Variants in PIAS2 observed in about 807,000 individuals in gnomAD.
PIAS2 encodes the protein E3 SUMO-protein ligase PIAS2.
PIAS2 carries 19 observed loss-of-function variants against 69.7 expected under a neutral mutation model. The ratio of observed to expected loss-of-function variants is 0.27; its 90% CI spans 0.19 to 0.40. PIAS2 has a LOEUF of 0.40. Ranked by LOEUF, PIAS2 falls within the 10% of genes least tolerant of loss-of-function variation. The pLI is 1.00. For synonymous variants in PIAS2, 261 were observed against 263.2 expected, an observed-to-expected ratio of 0.99 and a Z score of 0.08; for missense variants, 624 against 757.0, an observed-to-expected ratio of 0.82 and a Z score of 2.06.
chr18:46,839,198 A>G (rs1438449783), intron 8 of PIAS2, among the ~76,000 whole-genome samples: 1 of 152,186 alleles, frequency 6.6e-6, no homozygotes, highest in Non-Finnish European at 1.5e-5. Flanking sequence ...TTATTATTAA[A>G]TTACACTATA....
At chr18:46,903,618 T>TA (rs1044781700) in intron 1 of PIAS2, 1 of 152,206 alleles carries the variant, frequency 6.6e-6, no homozygotes, top group African/African-American at 2.4e-5. Flanking sequence ...GGTAGGGATG[T>TA]AAAATGGTAC....
At chr18:46,912,972 A>G (rs902366085) in intron 1 of PIAS2, among the ~76,000 whole-genome samples, 1 of 152,234 alleles carries the variant, frequency 6.6e-6, no homozygotes, top group African/African-American at 2.4e-5. Flanking sequence ...GCCTTGAGCC[A>G]CTGCGCCCAG....
chr18:46,885,440 G>C (rs562041863), intron 2 of PIAS2, among the ~76,000 whole-genome samples: 15 of 151,702 alleles, frequency 9.9e-5, no homozygotes, highest in African/African-American at 3.4e-4. Context: ...AGAATTGCTT[G>C]AACTTGGGAG....
At chr18:46,873,199 G>A (rs2050641468) in intron 2 of PIAS2, among the ~76,000 whole-genome samples, 1 of 152,194 alleles carries the variant, frequency 6.6e-6, no homozygotes, top group African/African-American at 2.4e-5. Context: ...GCAGGAAGAT[G>A]GCTCACCGAC....
chr18:46,911,508 G>A (rs150261807), intron 1 of PIAS2, among the ~76,000 whole-genome samples: 4 of 152,212 alleles, frequency 2.6e-5, no homozygotes, highest in African/African-American at 7.2e-5. Flanking sequence ...GAGCCACTGT[G>A]CCCGGCTGAC....
At chr18:46,898,448 AAT>A (rs2055246465) in intron 1 of PIAS2, among the ~76,000 whole-genome samples, 1 of 152,170 alleles carries the variant, frequency 6.6e-6, no homozygotes, top group Non-Finnish European at 1.5e-5. Context: ...CCAGCAAGGC[AAT>A]ATAAATTTTT....
At position 46,847,917 on chromosome 18, in the gene PIAS2, C is replaced by CA. The variant is rs58401472; in HGVS notation, c.727-1077dup. Among the ~76,000 whole-genome samples, 312 of 152,128 alleles carry CA rather than the reference C, an allele frequency of 2.1e-3. 2 individuals are homozygous for CA. The highest frequency in any genetic ancestry group is 7.1e-3 in the African/African-American group (296 of 41,510). ...TTAGAAAATTAAAATGTCTTAGCTG[C>CA]AAAAAATCTACATATTGAAAAGTAG... On this transcript the variant is annotated intron_variant, in intron 5 of 13. Transcript: ENST00000585916.
chr18:46,820,947 G>A lies in PIAS2; in HGVS notation c.1634C>T (p.Ser545Leu). 1 of 1,611,556 alleles carries A rather than the reference G, an allele frequency of 6.2e-7. No homozygotes were observed. The highest frequency in any genetic ancestry group is 8.5e-7 in the Non-Finnish European group (1 of 1,178,812). ...ACTCCACATACCTGGCAAATCTGAT[G>A]ACATGCTTGATATTGGCGTATGGTG... Reference protein sequence around the residue: ...PFHHTPISSMSSDLPGLDFLS... With the variant: ...PFHHTPISSMLSDLPGLDFLS... The change falls in exon 12 of 14, where the codon TCA becomes TTA. Residue 545 changes from serine (S) to leucine (L), a missense_variant. Coordinates refer to ENST00000585916, the MANE Select transcript of PIAS2 (RefSeq NM_004671.5).
At chr18:46,855,973 T>A (rs932658311) in intron 3 of PIAS2, among the ~76,000 whole-genome samples, 1 of 150,994 alleles carries the variant, frequency 6.6e-6, no homozygotes, top group Middle Eastern at 3.4e-3. Context: ...TCTAATCACT[T>A]GAAGACTTTT....
intron 12 of PIAS2, chr18:46,818,375 A>G: frequency 6.5e-7 from 1 of 1,548,866 alleles, no homozygotes. Flanking sequence ...TTTATTTTGT[A>G]TTCACTGTTG....
At chr18:46,839,877 A>G (rs1482164367) in intron 8 of PIAS2, among the ~76,000 whole-genome samples, 1 of 151,692 alleles carries the variant, frequency 6.6e-6, no homozygotes, top group Non-Finnish European at 1.5e-5. Flanking sequence ...AAAAAAAAAA[A>G]AAAGGCCGGG....
chr18:46,886,609 G>A (rs529152872), intron 2 of PIAS2, among the ~76,000 whole-genome samples: 13 of 152,250 alleles, frequency 8.5e-5, no homozygotes, highest in East Asian at 7.7e-4. Context: ...AGGCCAAGGC[G>A]GGTGGATCAC....
intron 11 of PIAS2, among the ~76,000 whole-genome samples, chr18:46,821,356 T>C (rs1003311261): frequency 1.1e-4 from 16 of 152,098 alleles, no homozygotes; most frequent in African/African-American, 1.9e-4. Flanking sequence ...CATCCACAAA[T>C]AGAAATAGAC....
intron 3 of PIAS2, among the ~76,000 whole-genome samples, chr18:46,861,091 C>A (rs1255601447): frequency 6.6e-6 from 1 of 152,050 alleles, no homozygotes; most frequent in Non-Finnish European, 1.5e-5. Context: ...ACCAGCCTGA[C>A]CAACATGGTG....
Position 46,810,860 on chromosome 18 carries a change from A to G in PIAS2, c.*1573T>C, listed in dbSNP as rs528165484. The G allele has an allele frequency of 2.6e-5, 4 of 152,236 alleles. No homozygotes were observed. In the East Asian group the frequency reaches 7.7e-4, roughly 29 times the overall value. 9.4% of individuals were successfully genotyped at this position (152,236 alleles called of 1,614,324 possible). A position where few individuals can be genotyped will look rare whatever the true frequency, so the allele number is the denominator to read the frequency against. ...GTCCACACCTGGGCACTTCAGTTTG[A>G]GAAATCAATTGGTTGGACTGGCCAT... On this transcript the variant is annotated 3_prime_UTR_variant, in exon 14 of 14. Coordinates refer to ENST00000585916, the MANE Select transcript of PIAS2 (RefSeq NM_004671.5).
At chr18:46,848,234 T>C (rs1328945599) in intron 5 of PIAS2, among the ~76,000 whole-genome samples, 1 of 152,228 alleles carries the variant, frequency 6.6e-6, no homozygotes, top group East Asian at 1.9e-4. Flanking sequence ...ACTGACACCA[T>C]TAACTGGATG....
chr18:46,830,980 G>C (rs1379780623), intron 9 of PIAS2, among the ~76,000 whole-genome samples: 2 of 151,968 alleles, frequency 1.3e-5, no homozygotes, highest in Non-Finnish European at 2.9e-5. Context: ...GACCAAATGG[G>C]GTTCATTCCC....
chr18:46,841,405 C>T (rs1364956974), intron 8 of PIAS2, among the ~76,000 whole-genome samples: 4 of 152,040 alleles, frequency 2.6e-5, no homozygotes, highest in East Asian at 1.9e-4. Context: ...TTTCCTTCTC[C>T]GTTTCCCATT....
In PIAS2 at chr18:46,835,244, A is replaced by G. The variant is rs145635204; in HGVS notation, c.1202+1113T>C. Among the ~76,000 whole-genome samples, 440 of 152,358 alleles carry G rather than the reference A, an allele frequency of 2.9e-3. 2 individuals are homozygous for G. In the Middle Eastern group the frequency reaches 0.034, roughly 12 times the overall value. ...CACACATATTAAGGGAGAAAGTGAT[A>G]AAACAACTGTGATAGAATGTTAACA... On this transcript the variant is annotated intron_variant, in intron 9 of 13. Coordinates refer to ENST00000585916, the MANE Select transcript of PIAS2 (RefSeq NM_004671.5).
Sources: allele counts gnomAD v4.1 joint callset (sites outside exome capture counted in the v4.1 genomes callset), GRCh38; gene constraint gnomAD v4.1.1; transcripts MANE v1.5; gene names NCBI Gene and HGNC (gene_info 2026-07-23, HGNC 2026-07-21).